The following EPHA6 variants were observed in gnomAD, a reference collection of about 807,000 sequenced individuals.
The protein encoded by EPHA6 is EPH receptor A6.
A neutral mutation model predicts 112.0 loss-of-function variants in EPHA6; 50 were observed. That is an observed-to-expected ratio of 0.45 (90% confidence interval 0.36 to 0.56). The LOEUF (loss-of-function observed/expected upper bound fraction) is 0.56, where lower values mean the gene tolerates loss of function less well. EPHA6 is among the 20% of genes least tolerant of loss of function. The pLI is 0.00. For missense variants in EPHA6, 1,280 were observed against 1,417.4 expected (o/e 0.90, Z 1.56); for synonymous variants, 529 against 490.7 (o/e 1.08, Z -1.03).
intron 14 of EPHA6, among the ~76,000 whole-genome samples, chr3:97,656,310 A>G (rs934209357): frequency 1.3e-4 from 20 of 151,946 alleles, no homozygotes; most frequent in African/African-American, 4.3e-4. Context: ...GGAAATAAAT[A>G]TTACTACTAC....
chr3:96,845,859 G>A (rs1307836569), intron 1 of EPHA6, among the ~76,000 whole-genome samples: 2 of 151,892 alleles, frequency 1.3e-5, no homozygotes, highest in Admixed American at 6.6e-5. Context: ...GGAATGGTTA[G>A]CTAATCTTGT....
At chr3:96,899,267 C>T (rs1472247117) in intron 2 of EPHA6, among the ~76,000 whole-genome samples, 2 of 152,050 alleles carry the variant, frequency 1.3e-5, no homozygotes, top group South Asian at 4.1e-4. Flanking sequence ...CCATCTTCCC[C>T]CTATGTATAT....
chr3:97,624,409 C>T (rs1482229898), intron 13 of EPHA6, among the ~76,000 whole-genome samples: 2 of 151,502 alleles, frequency 1.3e-5, no homozygotes, highest in Non-Finnish European at 3.0e-5. Context: ...TCAATTTGGC[C>T]ATGATGTATA....
intron 13 of EPHA6, among the ~76,000 whole-genome samples, chr3:97,635,788 C>T (rs1301764065): frequency 6.6e-6 from 1 of 152,000 alleles, no homozygotes; most frequent in Non-Finnish European, 1.5e-5. Flanking sequence ...TTAAAAGATA[C>T]ATTGTATGGT....
intron 2 of EPHA6, among the ~76,000 whole-genome samples, chr3:96,937,476 G>A (rs1018537310): frequency 1.3e-5 from 2 of 151,840 alleles, no homozygotes; most frequent in African/African-American, 4.8e-5. Context: ...TTGTGAATTT[G>A]TTGGAGTTCA....
intron 5 of EPHA6, among the ~76,000 whole-genome samples, chr3:97,282,436 C>G (rs2108665289): frequency 6.6e-6 from 1 of 152,230 alleles, no homozygotes; most frequent in East Asian, 1.9e-4. Flanking sequence ...GGCAATTCCT[C>G]AAATATCTAG....
chr3:97,240,259 T>TA (rs2078804820), intron 4 of EPHA6, among the ~76,000 whole-genome samples: 1 of 151,918 alleles, frequency 6.6e-6, no homozygotes, highest in Non-Finnish European at 1.5e-5. Flanking sequence ...AATGGTTCAG[T>TA]GTGTTCCTTT....
chr3:97,416,767 T>C (rs148358518), intron 6 of EPHA6, among the ~76,000 whole-genome samples: 4 of 152,314 alleles, frequency 2.6e-5, no homozygotes, highest in African/African-American at 7.2e-5. Flanking sequence ...GCTTAAGATA[T>C]AATTAACTCA....
At chr3:97,097,255 A>T (rs1434337874) in intron 3 of EPHA6, among the ~76,000 whole-genome samples, 1 of 151,814 alleles carries the variant, frequency 6.6e-6, no homozygotes, top group Admixed American at 6.6e-5. Context: ...AAAGAAAAAT[A>T]TTTTTTAAGA....
At position 97,748,707 on chromosome 3, in the gene EPHA6, C is replaced by T. The variant is rs761334218; in HGVS notation, c.*6C>T. 61 of 1,435,240 alleles carry T rather than the reference C, an allele frequency of 4.3e-5. No homozygotes were observed. In the Admixed American group the frequency reaches 4.5e-4, roughly 11 times the overall value. 88.9% of individuals were successfully genotyped at this position (1,435,240 alleles called of 1,614,324 possible). A position where few individuals can be genotyped will look rare whatever the true frequency, so the allele number is the denominator to read the frequency against. ...AGAAGGGATTTCATGTATGAAAGTACCACAAGCACCTGTGTTTTGTGCCTC... is the reference window on the plus strand; with the variant it reads ...AGAAGGGATTTCATGTATGAAAGTATCACAAGCACCTGTGTTTTGTGCCTC... On this transcript the variant is annotated 3_prime_UTR_variant, in exon 18 of 18. Transcript: ENST00000389672.
chr3:97,352,293 G>A (rs2083853743), intron 5 of EPHA6, among the ~76,000 whole-genome samples: 1 of 152,092 alleles, frequency 6.6e-6, no homozygotes, highest in Admixed American at 6.6e-5. Flanking sequence ...GCACCAAATT[G>A]AACAACTGTC....
intron 10 of EPHA6, among the ~76,000 whole-genome samples, chr3:97,506,158 C>T (rs1170548462): frequency 6.6e-6 from 1 of 152,026 alleles, no homozygotes; most frequent in Non-Finnish European, 1.5e-5. Context: ...ATGATAGTTT[C>T]TTTGCTGTGC....
At chr3:97,110,089 A>G (rs2047678197) in intron 3 of EPHA6, among the ~76,000 whole-genome samples, 1 of 152,182 alleles carries the variant, frequency 6.6e-6, no homozygotes, top group Non-Finnish European at 1.5e-5. Context: ...TAACTTTTCA[A>G]AAAAATCTTC....
intron 5 of EPHA6, among the ~76,000 whole-genome samples, chr3:97,313,590 G>A (rs2081659742): frequency 6.6e-6 from 1 of 151,546 alleles, no homozygotes; most frequent in Non-Finnish European, 1.5e-5. Flanking sequence ...ACAGGTGTGA[G>A]GTGATATCTC....
At chr3:97,667,049 T>C (rs2030203951) in intron 14 of EPHA6, among the ~76,000 whole-genome samples, 1 of 152,210 alleles carries the variant, frequency 6.6e-6, no homozygotes, top group Non-Finnish European at 1.5e-5. Context: ...TTCTACATAA[T>C]GTAGCCTTGG....
intron 11 of EPHA6, among the ~76,000 whole-genome samples, chr3:97,572,490 G>A (rs2093344329): frequency 1.3e-5 from 2 of 151,916 alleles, no homozygotes; most frequent in Admixed American, 1.3e-4. Flanking sequence ...CTGCTTTTTT[G>A]TCTTTGTTTT....
At chr3:97,407,490 T>TTGTGTG (rs371201863) in intron 6 of EPHA6, among the ~76,000 whole-genome samples, 1 of 149,218 alleles carries the variant, frequency 6.7e-6, no homozygotes, top group African/African-American at 2.5e-5. Context: ...CTGAGTGTGT[T>TTGTGTG]TGTGTGTGTG....
At chr3:97,439,355 T>C (rs2090018700) in intron 6 of EPHA6, among the ~76,000 whole-genome samples, 1 of 152,176 alleles carries the variant, frequency 6.6e-6, no homozygotes, top group South Asian at 2.1e-4. Context: ...TCTACATTTT[T>C]CTTACTTATA....
intron 11 of EPHA6, among the ~76,000 whole-genome samples, chr3:97,542,688 T>G (rs1488930329): frequency 6.6e-6 from 1 of 152,258 alleles, no homozygotes; most frequent in African/African-American, 2.4e-5. Flanking sequence ...CCACAATGGT[T>G]GAACTAGTTT....
Sources: allele counts gnomAD v4.1 joint callset (sites outside exome capture counted in the v4.1 genomes callset), GRCh38; gene constraint gnomAD v4.1.1; transcripts MANE v1.5; gene names NCBI Gene and HGNC (gene_info 2026-07-23, HGNC 2026-07-21).